Variants in SATB2 observed in about 807,000 individuals in gnomAD.
SATB2 encodes the protein DNA-binding protein SATB2.
In SATB2, 1 loss-of-function variant was observed where a neutral mutation model predicts 73.4. The ratio of observed to expected loss-of-function variants is 0.01; its 90% confidence interval spans 0.00 to 0.06. The LOEUF (loss-of-function observed/expected upper bound fraction) is 0.06. SATB2 is among the 10% of genes least tolerant of loss of function. SATB2 has a pLI of 1.00. For missense variants in SATB2, 459 were observed against 945.8 expected, an observed-to-expected ratio of 0.49 and a Z score of 6.75; for synonymous variants, 397 against 367.0, an observed-to-expected ratio of 1.08 and a Z score of -0.93.
chr2:199,380,641 C>T (rs933477367), intron 4 of SATB2, among the ~76,000 whole-genome samples, 154 bp from the exon 5 acceptor site: 2 of 152,196 alleles, frequency 1.3e-5, no homozygotes, highest in Non-Finnish European at 2.9e-5. Context: ...AGTAAAACTG[C>T]TTCTCCAAGA....
rs1261552748 is a variant in SATB2, at chr2:199,463,381, GC to G, written c.-141+1454del. Reference sequence around the variant, plus strand: ...CCAGCTCGGAGCTGCCGGGGTTGGGGCCCCGGGTGGCGCTCCCGACCCGCCG... The same window carrying G: ...CCAGCTCGGAGCTGCCGGGGTTGGGGCCCGGGTGGCGCTCCCGACCCGCCG... On this transcript the variant is annotated intron_variant, in intron 1 of 11. Coordinates refer to the SATB2 transcript ENST00000260926. This position sits in a 1 kb window ranked among gnomAD's most constrained non-coding sequence, Gnocchi z 6.4. Among the ~76,000 whole-genome samples, 1 of 152,210 alleles carries G rather than the reference GC, an allele frequency of 6.6e-6. No individual in the cohort carries two copies. Among genetic ancestry groups the G allele is most frequent in the African/African-American group, 2.4e-5 (1 of 41,458 alleles).
At chr2:199,364,259 A>C (rs1689222610) in intron 6 of SATB2, among the ~76,000 whole-genome samples, 1 of 152,190 alleles carries the variant, frequency 6.6e-6, no homozygotes, top group Non-Finnish European at 1.5e-5. Flanking sequence ...TAACCACTTT[A>C]GTACAGAGGA....
chr2:199,455,846 G>A lies in SATB2; in HGVS notation c.169+23C>T, dbSNP rs1387831155. On this transcript the variant is annotated intron_variant, in intron 2 of 10. Transcript: ENST00000417098. The surrounding 1 kb of genome is among the most constrained non-coding windows in gnomAD (Gnocchi z 4.1). ...ATTATCACTGGGCCGCGGGCTGCGCGCCTCCCTGCTCCGGGCTGTTACCTC... is the reference window on the plus strand; with the variant it reads ...ATTATCACTGGGCCGCGGGCTGCGCACCTCCCTGCTCCGGGCTGTTACCTC... 2 of 1,534,580 alleles carry A rather than the reference G, an allele frequency of 1.3e-6. No individual in the cohort carries two copies. Among genetic ancestry groups the A allele is most frequent in the East Asian group, 2.4e-5 (1 of 41,000 alleles).
At chr2:199,441,958 G>A (rs1398943739) in intron 2 of SATB2, among the ~76,000 whole-genome samples, 2 of 152,190 alleles carry the variant, frequency 1.3e-5, no homozygotes, top group Non-Finnish European at 2.9e-5. Flanking sequence ...CTCTGCCACA[G>A]CAAGCCTGAC....
rs1574568652 is a variant in SATB2, at chr2:199,381,768, A to C, written c.399T>G (p.Asp133Glu). 6.2e-7 allele frequency: 1 copy of C among 1,614,144 alleles called. No homozygotes were observed. Among genetic ancestry groups the C allele is most frequent in the South Asian group, 1.1e-5 (1 of 91,086 alleles). ...TGTCGGCCACTGTCGCGTCGGGTGC[A>C]TCTGTCACATAACTGAGGGGGAGAG... ...WNPLPLSYVT[D>E]APDATVADML... The change falls in exon 4 of 11, where the codon GAT (aspartate) becomes GAG (glutamate). Residue 133 changes from aspartate (D) to glutamate (E), a missense_variant. Asp to Glu is a conservative substitution (Grantham distance 45). Around this residue, in one of 13 missense-constraint regions of SATB2, gnomAD observed 56 missense variants for 183.7 expected, o/e 0.30. Transcript: ENST00000417098.
chr2:199,332,162 TTGCAA>T (rs1250158292), intron 7 of SATB2, among the ~76,000 whole-genome samples: 1 of 152,146 alleles, frequency 6.6e-6, no homozygotes, highest in Non-Finnish European at 1.5e-5. Context: ...TTAAAATATA[TTGCAA>T]GTATTGAGTA....
chr2:199,348,907 C>T lies in SATB2; in HGVS notation c.967G>A (p.Val323Ile), dbSNP rs778684147. Residue 323 changes from valine (V) to isoleucine (I), a missense_variant, in exon 7 of 11, where the codon GTT (valine) becomes ATT (isoleucine). By Grantham distance (29) the Val-to-Ile change is conservative (BLOSUM62 3). Transcript: ENST00000417098. ...MAHLINQQIA[V>I]SRLLAHQHPQ... ...TGCTGGTGAGCCAGGAGCCGGCTAA[C>T]GGCAATCTGTTGGTTTATCAGATGG... 8 of 1,614,026 alleles carry T rather than the reference C, an allele frequency of 5.0e-6. No individual in the cohort carries two copies. Among genetic ancestry groups the T allele is most frequent in the African/African-American group, 2.7e-5 (2 of 74,916 alleles).
chr2:199,332,909 A>G (rs1394769327), intron 7 of SATB2, among the ~76,000 whole-genome samples: 1 of 152,134 alleles, frequency 6.6e-6, no homozygotes. Flanking sequence ...ACCCTGGAAG[A>G]GAGCAATAAG....
intron 3 of SATB2, among the ~76,000 whole-genome samples, chr2:199,425,896 TA>T (rs531784229): frequency 2.2e-3 from 341 of 152,302 alleles, no homozygotes; most frequent in Non-Finnish European, 3.0e-3. Context: ...CACACATATG[TA>T]TGAATATTTA....
At chr2:199,319,852 A>G (rs1052566889) in intron 9 of SATB2, among the ~76,000 whole-genome samples, 1 of 152,040 alleles carries the variant, frequency 6.6e-6, no homozygotes, top group Non-Finnish European at 1.5e-5. Flanking sequence ...AGGATATGAG[A>G]AGAAAAAAAC....
chr2:199,425,807 G>A (rs1056283543), intron 3 of SATB2, among the ~76,000 whole-genome samples: 1 of 152,134 alleles, frequency 6.6e-6, no homozygotes, highest in Non-Finnish European at 1.5e-5. Flanking sequence ...GAGGAAATAA[G>A]GTGAGCATTA....
intron 2 of SATB2, among the ~76,000 whole-genome samples, chr2:199,439,481 G>A (rs977137180): frequency 6.6e-6 from 1 of 152,316 alleles, no homozygotes. Context: ...GCAAAGCCTT[G>A]CATATCTTTT....
intron 10 of SATB2, among the ~76,000 whole-genome samples, chr2:199,305,451 C>A (rs1465891861): frequency 6.6e-6 from 1 of 152,102 alleles, no homozygotes; most frequent in African/African-American, 2.4e-5. Context: ...CCCCATGATA[C>A]AAGTTTACCT....
rs1387314162 is a variant in SATB2, at chr2:199,463,408, C to T, written c.-141+1428G>A. ...CCCGGGTGGCGCTCCCGACCCGCCGCGTTTTCCTTAGGGAAACACCGAGTG... is the reference window on the plus strand; with the variant it reads ...CCCGGGTGGCGCTCCCGACCCGCCGTGTTTTCCTTAGGGAAACACCGAGTG... On this transcript the variant is annotated intron_variant, in intron 1 of 11. Transcript: ENST00000260926. This position sits in a 1 kb window ranked among gnomAD's most constrained non-coding sequence, Gnocchi z 6.4. Among the ~76,000 whole-genome samples, 1 of 152,186 alleles carries T rather than the reference C, an allele frequency of 6.6e-6. No individual in the cohort carries two copies. The highest frequency in any genetic ancestry group is 2.4e-5 in the African/African-American group (1 of 41,442).
chr2:199,315,063 C>T (rs1430434124), intron 9 of SATB2, among the ~76,000 whole-genome samples: 1 of 151,928 alleles, frequency 6.6e-6, no homozygotes, highest in African/African-American at 2.4e-5. Flanking sequence ...ATAAGTTCTA[C>T]CCTCTAGGAG....
At chr2:199,295,852 A>G (rs865828714) in intron 10 of SATB2, among the ~76,000 whole-genome samples, 11 of 152,188 alleles carry the variant, frequency 7.2e-5, no homozygotes, top group East Asian at 1.9e-4. Flanking sequence ...TGTCAAACCT[A>G]TCTAGTTTGC....
At chr2:199,466,211 C>G (rs370448768), upstream of SATB2, among the ~76,000 whole-genome samples, 1 of 152,204 alleles carries the variant, frequency 6.6e-6, no homozygotes, top group African/African-American at 2.4e-5. Flanking sequence ...CTACCACACA[C>G]CTAACCTCTT....
intron 10 of SATB2, among the ~76,000 whole-genome samples, chr2:199,279,364 G>C (rs1692411578): frequency 6.6e-6 from 1 of 152,192 alleles, no homozygotes; most frequent in Non-Finnish European, 1.5e-5. Context: ...GATTCTGAAG[G>C]CCTCAATGAA....
At chr2:199,438,313 T>TC (rs1283575000) in intron 2 of SATB2, among the ~76,000 whole-genome samples, 1 of 152,202 alleles carries the variant, frequency 6.6e-6, no homozygotes, top group African/African-American at 2.4e-5. Context: ...TATAATTTTT[T>TC]CTCACACAGG....
Sources: allele counts gnomAD v4.1 joint callset (sites outside exome capture counted in the v4.1 genomes callset), GRCh38; gene constraint gnomAD v4.1.1; regional missense constraint gnomAD v4.1.1; non-coding constraint Gnocchi (gnomAD v3.1); transcripts MANE v1.5; gene names NCBI Gene and HGNC (gene_info 2026-07-23, HGNC 2026-07-21).